Variants in GLRA3 observed in about 807,000 individuals in gnomAD.
GLRA3 encodes the protein glycine receptor subunit alpha-3.
GLRA3 carries 44 observed loss-of-function variants against 60.4 expected under a neutral mutation model. The observed-to-expected ratio is 0.73, with a 90% CI of 0.57 to 0.94. GLRA3 has a LOEUF of 0.94. GLRA3 is among the 40% of genes least tolerant of loss of function. The pLI, the probability that GLRA3 is intolerant of heterozygous loss-of-function variation, is 0.00. For synonymous variants in GLRA3, 223 were observed against 192.9 expected, an observed-to-expected ratio of 1.16 and a Z score of -1.29; for missense variants, 508 against 564.6, an observed-to-expected ratio of 0.90 and a Z score of 1.02.
At chr4:174,709,925 AT>A (rs1048206708) in intron 5 of GLRA3, among the ~76,000 whole-genome samples, 5 of 151,172 alleles carry the variant, frequency 3.3e-5, no homozygotes, top group African/African-American at 1.2e-4. Flanking sequence ...CAGCTAATAC[AT>A]TTTTATACCT....
rs75892195 is a variant in GLRA3 at position 174,688,048 on chromosome 4, G to A, written c.575-5109C>T. Among the ~76,000 whole-genome samples the A allele has an allele frequency of 2.2e-4, 33 of 151,646 alleles. No individual in the cohort carries two copies. The East Asian group carries it at 5.8e-3, about 27-fold the overall frequency. On this transcript the variant is annotated intron_variant, in intron 5 of 9. Transcript: ENST00000274093. ...CTCATTCTTCTGCAGTGGTCCACAA[G>A]GATTATAAGTCAGAGGTAACACTTC... is the stretch of plus-strand genomic sequence containing the variant.
intron 3 of GLRA3, among the ~76,000 whole-genome samples, chr4:174,757,817 A>G (rs1408275060): frequency 6.6e-6 from 1 of 152,166 alleles, no homozygotes; most frequent in Non-Finnish European, 1.5e-5. Flanking sequence ...GTGCTGATAC[A>G]GTTTGGATAT....
intron 2 of GLRA3, among the ~76,000 whole-genome samples, chr4:174,767,512 AGTT>A (rs1294821574): frequency 6.6e-6 from 1 of 151,932 alleles, no homozygotes; most frequent in Non-Finnish European, 1.5e-5. Context: ...TTTTTCTTGC[AGTT>A]GTTGTTTGTT....
intron 6 of GLRA3, among the ~76,000 whole-genome samples, chr4:174,679,007 A>C: frequency 6.6e-6 from 1 of 152,166 alleles, no homozygotes; most frequent in Non-Finnish European, 1.5e-5. Context: ...TTTTATTTAA[A>C]AAGAGTGTTT....
At chr4:174,763,898 A>T (rs1738035857) in intron 3 of GLRA3, among the ~76,000 whole-genome samples, 1 of 152,160 alleles carries the variant, frequency 6.6e-6, no homozygotes, top group Admixed American at 6.6e-5. Flanking sequence ...GAAATAATTG[A>T]GGTGGAACAA....
chr4:174,823,386 G>A (rs369826408), intron 1 of GLRA3, among the ~76,000 whole-genome samples: 3 of 152,132 alleles, frequency 2.0e-5, no homozygotes, highest in Non-Finnish European at 2.9e-5. Context: ...TTAGCTGGGC[G>A]TGGTGGCATG....
In GLRA3 at chr4:174,643,828, A is replaced by G. The variant is rs1732702932; in HGVS notation, c.1353T>C (p.Tyr451=). 6.2e-7 allele frequency: 1 copy of G among 1,613,644 alleles called. No individual in the cohort carries two copies. The highest frequency in any genetic ancestry group is 8.5e-7 in the Non-Finnish European group (1 of 1,179,746). Residue 451 remains tyrosine (Y), a synonymous_variant, in exon 10 of 10, where the codon TAT becomes TAC. Transcript: ENST00000274093. ...LIFNIFYWVI[Y]KILRHEDIHQ... ...GAATATCCTCATGCCTAAGAATTTTATAGATAACCCAGTAGAAAATATTAA... is the reference window on the plus strand; with the variant it reads ...GAATATCCTCATGCCTAAGAATTTTGTAGATAACCCAGTAGAAAATATTAA...
intron 1 of GLRA3, 104 bp downstream of exon 1, chr4:174,828,637 T>G (rs1022004839): frequency 1.4e-6 from 1 of 729,222 alleles, no homozygotes; most frequent in African/African-American, 1.7e-5. Context: ...TTTCAACAAG[T>G]CAATATAGAA....
rs765924811 is a variant in GLRA3, at chr4:174,643,931, A to T, written c.1250T>A (p.Met417Lys). Reference protein sequence around the residue: ...VQVMPKSPDEMRKVFIDRAKK... With the variant: ...VQVMPKSPDEKRKVFIDRAKK... Reference sequence around the variant, plus strand: ...GGCCCGGTCGATAAAGACCTTCCTCATTTCATCAGGACTTTTTGGCATTAC... The same window carrying T: ...GGCCCGGTCGATAAAGACCTTCCTCTTTTCATCAGGACTTTTTGGCATTAC... The change falls in exon 10 of 10, where the codon ATG (methionine) becomes AAG (lysine). Residue 417 changes from methionine (M) to lysine (K), a missense_variant. Coordinates refer to ENST00000274093, the MANE Select transcript of GLRA3 (RefSeq NM_006529.4). The T allele has an allele frequency of 8.2e-5, 132 of 1,613,888 alleles. No individual in the cohort carries two copies. The highest frequency in any genetic ancestry group is 1.1e-4 in the Non-Finnish European group (130 of 1,179,982).
chr4:174,703,615 T>G (rs1735405425), intron 5 of GLRA3, among the ~76,000 whole-genome samples: 1 of 152,202 alleles, frequency 6.6e-6, no homozygotes, highest in Non-Finnish European at 1.5e-5. Context: ...GGTTTTCCAA[T>G]GCTATGTTCC....
chr4:174,659,314 TAAAG>T (rs1271680542), intron 7 of GLRA3, 117 bp from the exon 8 acceptor site: 1 of 696,916 alleles, frequency 1.4e-6, no homozygotes, highest in African/African-American at 1.9e-5. Flanking sequence ...TTTTAAAAAA[TAAAG>T]AAAATGACAA....
At chr4:174,822,775 A>G (rs2111401314) in intron 1 of GLRA3, among the ~76,000 whole-genome samples, 1 of 152,330 alleles carries the variant, frequency 6.6e-6, no homozygotes, top group Admixed American at 6.5e-5. Context: ...AAATGCTTCC[A>G]TTCAGTAAGC....
chr4:174,682,005 A>C (rs978336433), intron 6 of GLRA3, among the ~76,000 whole-genome samples: 1 of 152,242 alleles, frequency 6.6e-6, no homozygotes, highest in Non-Finnish European at 1.5e-5. Context: ...GAAAGGTCAC[A>C]GCACAGTTCT....
At chr4:174,691,387 TC>T (rs1734791473) in intron 5 of GLRA3, among the ~76,000 whole-genome samples, 3 of 152,024 alleles carry the variant, frequency 2.0e-5, no homozygotes, top group Admixed American at 6.5e-5. Context: ...CTCCCCTCTC[TC>T]TCCCCACGGT....
At chr4:174,792,902 C>T (rs1739412958) in intron 1 of GLRA3, among the ~76,000 whole-genome samples, 1 of 152,254 alleles carries the variant, frequency 6.6e-6, no homozygotes, top group Middle Eastern at 3.4e-3. Context: ...AGGTTGTGGA[C>T]TTTTCCTGTA....
chr4:174,766,879 G>T, intron 3 of GLRA3, 84 bp downstream of exon 3: 2 of 684,136 alleles, frequency 2.9e-6, no homozygotes, highest in East Asian at 2.6e-5. Flanking sequence ...ATACTAATTT[G>T]GGTTTTAAAT....
At chr4:174,795,052 A>G (rs933205420) in intron 1 of GLRA3, among the ~76,000 whole-genome samples, 3 of 150,368 alleles carry the variant, frequency 2.0e-5, no homozygotes, top group African/African-American at 7.3e-5. Context: ...TTTATATTGT[A>G]TATATATATA....
At chr4:174,778,400 G>A (rs1195357937) in intron 2 of GLRA3, among the ~76,000 whole-genome samples, 1 of 151,264 alleles carries the variant, frequency 6.6e-6, no homozygotes, top group East Asian at 1.9e-4. Flanking sequence ...GCCACATCAT[G>A]GGATAAAACA....
At chr4:174,768,117 C>T (rs535513007) in intron 2 of GLRA3, among the ~76,000 whole-genome samples, 2 of 152,112 alleles carry the variant, frequency 1.3e-5, no homozygotes, top group African/African-American at 4.8e-5. Flanking sequence ...AGGCAGAATA[C>T]TGACAAAGCT....
Sources: gnomAD v4.1 joint callset for allele counts (sites outside exome capture counted in the v4.1 genomes callset) on GRCh38, gnomAD v4.1.1 for gene constraint, MANE v1.5 for transcripts, NCBI Gene and HGNC (gene_info 2026-07-23, HGNC 2026-07-21) for gene names.